The following PACRG variants were observed in gnomAD, a reference collection of about 807,000 sequenced individuals.
PACRG encodes parkin coregulated gene protein.
Under a neutral mutation model 29.7 loss-of-function variants are expected in PACRG, and 29 were observed. The observed-to-expected ratio is 0.98, with a 90% CI of 0.73 to 1.33. PACRG has a LOEUF of 1.33. Among genes scored for constraint, PACRG ranks in the 40% most tolerant of loss-of-function variants. PACRG has a pLI of 0.00. For synonymous variants in PACRG, 116 were observed against 118.7 expected (o/e 0.98, Z 0.15); for missense variants, 279 against 316.2 (o/e 0.88, Z 0.89).
intron 4 of PACRG, among the ~76,000 whole-genome samples, chr6:163,294,542 G>A (rs1358570552): frequency 6.6e-6 from 1 of 152,086 alleles, no homozygotes; most frequent in Non-Finnish European, 1.5e-5. Flanking sequence ...AAATTTGAAA[G>A]GAAAGACATA....
intron 4 of PACRG, among the ~76,000 whole-genome samples, chr6:163,292,299 T>C (rs140010103): frequency 6.6e-6 from 1 of 152,324 alleles, no homozygotes; most frequent in East Asian, 1.9e-4. Context: ...CGTAATCCAG[T>C]GTCTTACCAT....
chr6:163,190,961 G>A (rs1780185789), intron 4 of PACRG: 1 of 456,040 alleles, frequency 2.2e-6, no homozygotes, highest in Non-Finnish European at 4.4e-6. Context: ...ATTTCTGAGG[G>A]ATGACTGTGT....
chr6:162,983,989 G>A (rs911037862), intron 2 of PACRG, among the ~76,000 whole-genome samples: 3 of 151,884 alleles, frequency 2.0e-5, no homozygotes, highest in African/African-American at 7.3e-5. Context: ...TTTATTGGAG[G>A]TTTTGTTCAT....
At chr6:162,902,038 C>T (rs1338408864) in intron 2 of PACRG, among the ~76,000 whole-genome samples, 2 of 152,194 alleles carry the variant, frequency 1.3e-5, no homozygotes, top group South Asian at 4.1e-4. Flanking sequence ...ATGCAGATTA[C>T]AATACCAAAT....
intron 4 of PACRG, among the ~76,000 whole-genome samples, chr6:163,261,944 G>A (rs999495001): frequency 4.6e-5 from 7 of 152,058 alleles, no homozygotes; most frequent in African/African-American, 1.4e-4. Context: ...CCAGGAATAC[G>A]GTGGGACAAC....
At chr6:162,947,661 C>T (rs1357639236) in intron 2 of PACRG, among the ~76,000 whole-genome samples, 2 of 78,842 alleles carry the variant, frequency 2.5e-5, no homozygotes, top group East Asian at 3.4e-4. Flanking sequence ...CCCAAAGATT[C>T]CACCAAAAAT....
At chr6:163,249,087 G>A (rs907157171) in intron 4 of PACRG, among the ~76,000 whole-genome samples, 2 of 150,814 alleles carry the variant, frequency 1.3e-5, no homozygotes, top group African/African-American at 2.4e-5. Flanking sequence ...ATAGAAAGTC[G>A]GTCACTTAAG....
At position 162,750,074 on chromosome 6, in the gene PACRG, A is replaced by G. The variant is rs767735219; in HGVS notation, c.156+21683A>G. Among the ~76,000 whole-genome samples the G allele has an allele frequency of 8.5e-5, 13 of 152,308 alleles. No individual in the cohort carries two copies. In the East Asian group the frequency reaches 9.6e-4, roughly 11 times the overall value. ...GTACTGATGTTTCTCCTTACAAACT[A>G]TGATAGTACTTAACATTTTGCTTCA... is the stretch of plus-strand genomic sequence containing the variant. On this transcript the variant is annotated intron_variant, in intron 1 of 4. Coordinates refer to ENST00000366888, the MANE Select transcript of PACRG (RefSeq NM_001080379.2).
chr6:162,749,252 A>G (rs942821186), intron 1 of PACRG, among the ~76,000 whole-genome samples: 4 of 152,202 alleles, frequency 2.6e-5, no homozygotes, highest in African/African-American at 7.2e-5. Flanking sequence ...ATTTGCATGG[A>G]TGTATGTTTA....
intron 2 of PACRG, among the ~76,000 whole-genome samples, chr6:162,948,317 G>T (rs1198568417): frequency 6.6e-6 from 1 of 152,094 alleles, no homozygotes; most frequent in Admixed American, 6.6e-5. Context: ...TCATCAAATT[G>T]TGCTGGGAAA....
intron 2 of PACRG, among the ~76,000 whole-genome samples, chr6:162,898,661 C>T (rs1268686486): frequency 6.6e-6 from 1 of 152,158 alleles, no homozygotes; most frequent in Non-Finnish European, 1.5e-5. Flanking sequence ...AATCATAGAA[C>T]CTACCTCACA....
intron 2 of PACRG, among the ~76,000 whole-genome samples, chr6:162,934,606 A>G (rs1798104099): frequency 6.6e-6 from 1 of 152,086 alleles, no homozygotes. Flanking sequence ...CAAAGTTGTT[A>G]TTGTATTCAT....
At chr6:163,158,888 T>C (rs536053508) in intron 4 of PACRG, among the ~76,000 whole-genome samples, 41 of 152,322 alleles carry the variant, frequency 2.7e-4, no homozygotes, top group African/African-American at 9.1e-4. Flanking sequence ...AAACCCATTT[T>C]GCAGTCCAGG....
intron 2 of PACRG, among the ~76,000 whole-genome samples, chr6:162,824,583 G>A (rs959402691): frequency 3.3e-5 from 5 of 152,066 alleles, no homozygotes; most frequent in South Asian, 2.1e-4. Context: ...TCAGAGATTC[G>A]TGTCAAGATG....
chr6:162,970,401 A>C (rs1425256223), intron 2 of PACRG, among the ~76,000 whole-genome samples: 1 of 152,114 alleles, frequency 6.6e-6, no homozygotes, highest in African/African-American at 2.4e-5. Context: ...GCAGAAGCTG[A>C]CTGCATTGAA....
At chr6:162,768,555 C>T (rs1782974882) in intron 1 of PACRG, among the ~76,000 whole-genome samples, 1 of 152,006 alleles carries the variant, frequency 6.6e-6, no homozygotes, top group Non-Finnish European at 1.5e-5. Flanking sequence ...ACTTAGGTAA[C>T]TGTTAGGCTT....
At chr6:163,151,636 C>T (rs73593799) in intron 4 of PACRG, among the ~76,000 whole-genome samples, 23,255 of 152,172 alleles carry the variant, frequency 0.15, 2,010 homozygotes, top group Middle Eastern at 0.22. Flanking sequence ...ATAGAATTAT[C>T]TCACTTTTCT....
chr6:162,787,582 GTATA>G (rs869254835), intron 1 of PACRG, among the ~76,000 whole-genome samples: 4,881 of 62,080 alleles, frequency 0.079, 208 homozygotes, highest in Middle Eastern at 0.13. Flanking sequence ...GTGTGTGTGT[GTATA>G]TATATATATA....
In PACRG at chr6:163,145,642, C is replaced by A. The variant is rs968990009; in HGVS notation, c.613+56234C>A. 1.0e-3 allele frequency among the ~76,000 whole-genome samples: 157 copies of A among 152,208 alleles called. 2 individuals are homozygous for A. The highest frequency in any genetic ancestry group is 2.5e-4 in the Non-Finnish European group (17 of 68,036). ...GCTGGCCATGCTGCTGAACATCCCA[C>A]ACTACACAGGACAGCGCCACCACAA... On this transcript the variant is annotated intron_variant, in intron 4 of 4. Transcript: ENST00000366888.
Sources: allele counts gnomAD v4.1 joint callset (sites outside exome capture counted in the v4.1 genomes callset), GRCh38; gene constraint gnomAD v4.1.1; transcripts MANE v1.5; gene names NCBI Gene and HGNC (gene_info 2026-07-23, HGNC 2026-07-21).